The following CCDC30 variants were observed in gnomAD, a reference collection of about 807,000 sequenced individuals.
The protein encoded by CCDC30 is coiled-coil domain containing 30, also known as coiled-coil domain-containing protein 30.
A neutral mutation model predicts 100.2 loss-of-function variants in CCDC30; 70 were observed. That is an observed-to-expected ratio of 0.70 (90% CI 0.58 to 0.85). CCDC30 has a LOEUF of 0.85. CCDC30 is among the 40% of genes least tolerant of loss of function. The probability of loss-of-function intolerance (pLI) is 0.00; values close to 1 mark genes in which losing one functional copy is unlikely to be tolerated. For synonymous variants in CCDC30, 233 were observed against 269.5 expected (o/e 0.86, Z 1.33); for missense variants, 652 against 771.2 (o/e 0.85, Z 1.83).
intron 11 of CCDC30, among the ~76,000 whole-genome samples, chr1:42,612,047 C>T (rs1374967106): frequency 6.6e-6 from 1 of 152,118 alleles, no homozygotes; most frequent in Admixed American, 6.5e-5. Context: ...CTCCCAAGTT[C>T]ACTCCTAGTG....
At chr1:42,571,767 T>C (rs1645738024) in intron 7 of CCDC30, among the ~76,000 whole-genome samples, 1 of 152,040 alleles carries the variant, frequency 6.6e-6, no homozygotes, top group Admixed American at 6.5e-5. Flanking sequence ...TCCACTAACA[T>C]TTTTGGAAAT....
chr1:42,512,090 T>C (rs1644487269), intron 6 of CCDC30, among the ~76,000 whole-genome samples: 1 of 152,234 alleles, frequency 6.6e-6, no homozygotes, highest in Admixed American at 6.5e-5. Flanking sequence ...GGATGGGCTC[T>C]GGCTAGTTAT....
Position 42,568,106 on chromosome 1 carries a change from T to C in CCDC30, c.636+1631T>C, listed in dbSNP as rs191626735. 5.3e-5 allele frequency among the ~76,000 whole-genome samples: 8 copies of C among 152,232 alleles called. No homozygotes were observed. The East Asian group carries it at 1.4e-3, about 26-fold the overall frequency. On this transcript the variant is annotated intron_variant, in intron 7 of 16. Coordinates refer to ENST00000668663, the Ensembl canonical transcript of CCDC30. ...TATCCTTTATTGAGAGTTTGTCCAC[T>C]TTATCTCTTTTTGTTTGTTTGTTTC...
At chr1:42,456,486 G>T in the CCDC30 span, 2 of 1,384,894 alleles carry the variant, frequency 1.4e-6, no homozygotes. Flanking sequence ...AGTACGGCGC[G>T]GCGCGTACAC....
chr1:42,641,981 T>C (rs1195061608), intron 12 of CCDC30, among the ~76,000 whole-genome samples: 3 of 152,052 alleles, frequency 2.0e-5, no homozygotes, highest in Admixed American at 1.3e-4. Context: ...ATCCCAGCAA[T>C]TTGGGAGGCC....
At chr1:42,458,773 C>T (rs775961159), upstream of CCDC30, among the ~76,000 whole-genome samples, 2 of 152,060 alleles carry the variant, frequency 1.3e-5, no homozygotes, top group Non-Finnish European at 2.9e-5. Context: ...CTGAACATTA[C>T]CCTGAGAAGG....
At chr1:42,511,515 T>C (rs1021453859) in intron 6 of CCDC30, among the ~76,000 whole-genome samples, 1 of 151,942 alleles carries the variant, frequency 6.6e-6, no homozygotes, top group Non-Finnish European at 1.5e-5. Context: ...TAATTGGAGG[T>C]AGAATAGGTG....
chr1:42,636,525 G>A (rs1032851811), intron 11 of CCDC30, among the ~76,000 whole-genome samples: 5 of 152,260 alleles, frequency 3.3e-5, no homozygotes, highest in African/African-American at 4.8e-5. Context: ...AGCCAAGAAC[G>A]AGGAAATTTT....
intron 12 of CCDC30, among the ~76,000 whole-genome samples, chr1:42,641,021 T>C (rs145822071): frequency 6.6e-6 from 1 of 151,850 alleles, no homozygotes; most frequent in Non-Finnish European, 1.5e-5. Context: ...TTTGGGAGGC[T>C]GAAGCAGGAG....
chr1:42,650,867 A>G (rs747465594), intron 15 of CCDC30, among the ~76,000 whole-genome samples: 1 of 152,090 alleles, frequency 6.6e-6, no homozygotes, highest in Non-Finnish European at 1.5e-5. Flanking sequence ...GGCTTAAGCA[A>G]TGCTTCTGCC....
chr1:42,466,844 G>T (rs376641648), intron 1 of CCDC30, among the ~76,000 whole-genome samples: 1 of 152,162 alleles, frequency 6.6e-6, no homozygotes, highest in Non-Finnish European at 1.5e-5. Flanking sequence ...GAGCCTCTGC[G>T]CCCGGCCAAG....
At chr1:42,509,724 C>T (rs1033515203) in intron 6 of CCDC30, among the ~76,000 whole-genome samples, 1 of 152,132 alleles carries the variant, frequency 6.6e-6, no homozygotes, top group African/African-American at 2.4e-5. Context: ...TGCAGAAAGA[C>T]ACACAATGCA....
At chr1:42,466,666 C>T (rs1643597755) in intron 1 of CCDC30, among the ~76,000 whole-genome samples, 1 of 151,806 alleles carries the variant, frequency 6.6e-6, no homozygotes, top group Admixed American at 6.6e-5. Flanking sequence ...ATTCTCCTGC[C>T]TCAGCCTCCT....
Position 42,581,388 on chromosome 1 carries a change from A to G in CCDC30, c.875A>G (p.His292Arg), listed in dbSNP as rs771771878. 11 of 1,606,346 alleles carry G rather than the reference A, an allele frequency of 6.8e-6. No homozygotes were observed. In the African/African-American group the frequency reaches 1.1e-4, roughly 16 times the overall value. ...TTGGACCTGCAGCGGAAATTAGAACATGCTCATAAAGTCTGTCTCACAGAC... is the reference window on the plus strand; with the variant it reads ...TTGGACCTGCAGCGGAAATTAGAACGTGCTCATAAAGTCTGTCTCACAGAC... The change falls in exon 9 of 17, where the codon CAT becomes CGT. Residue 292 changes from histidine (H) to arginine (R), a missense_variant. By Grantham distance (29) the His-to-Arg change is conservative. Transcript: ENST00000668663.
Position 42,479,589 on chromosome 1 carries a change from C to T in CCDC30, c.-91-872C>T, listed in dbSNP as rs771657620. The stretch of plus-strand genomic sequence containing the variant: ...CTTAAAAAAAAAAAAAAAAGCCTCC[C>T]AAATCCTGATCGAAGTTCTGTTCCC... On this transcript the variant is annotated intron_variant, in intron 1 of 16. Transcript: ENST00000668663. Among the ~76,000 whole-genome samples, 93 of 147,354 alleles carry T rather than the reference C, an allele frequency of 6.3e-4. 1 individual carries two copies. Among genetic ancestry groups the T allele is most frequent in the Non-Finnish European group, 1.1e-3 (73 of 66,814 alleles).
chr1:42,614,537 A>G (rs1553123361), intron 11 of CCDC30, among the ~76,000 whole-genome samples: 4 of 151,844 alleles, frequency 2.6e-5, no homozygotes, highest in Non-Finnish European at 2.9e-5. Flanking sequence ...CTGTAATCCC[A>G]GCACTTTGGG....
intron 6 of CCDC30, 42 bp from the exon 8 acceptor site, chr1:42,539,121 GGGGGAAAATA>G (rs1644963839): frequency 1.5e-6 from 2 of 1,332,506 alleles, no homozygotes; most frequent in South Asian, 3.8e-5. Context: ...TATCTTTTAT[GGGGGAAAATA>G]GTCTTATTTT....
chr1:42,653,367 T>G lies in CCDC30; in HGVS notation c.1855-9T>G. The stretch of plus-strand genomic sequence containing the variant: ...TAACTTTTCACATTCATCCTTTCTT[T>G]CCTTTTAGGAAACAACAATTAGTGA... On this transcript the variant is annotated splice_polypyrimidine_tract_variant and intron_variant, in intron 15 of 16. Transcript: ENST00000668663. 1 of 1,574,032 alleles carries G rather than the reference T, an allele frequency of 6.4e-7. No individual in the cohort carries two copies.
chr1:42,466,558 T>TG (rs1491308170), intron 1 of CCDC30, among the ~76,000 whole-genome samples: 1 of 53,372 alleles, frequency 1.9e-5, no homozygotes, highest in Non-Finnish European at 3.7e-5. Flanking sequence ...TTTTGTTTTG[T>TG]TTTTTTTTTT....
Sources: gnomAD v4.1 joint callset for allele counts (sites outside exome capture counted in the v4.1 genomes callset) on GRCh38, gnomAD v4.1.1 for gene constraint, MANE v1.5 for transcripts, NCBI Gene and HGNC (gene_info 2026-07-23, HGNC 2026-07-21) for gene names.